Variants in SHTN1 observed in about 807,000 individuals in gnomAD.
SHTN1 encodes shootin-1.
SHTN1 carries 42 observed loss-of-function variants against 83.1 expected under a neutral mutation model. The ratio of observed to expected loss-of-function variants is 0.51; its 90% confidence interval spans 0.39 to 0.65. SHTN1 has a LOEUF of 0.65. Ranked by LOEUF, SHTN1 falls within the 30% of genes least tolerant of loss-of-function variation. The pLI, the probability that SHTN1 is intolerant of heterozygous loss-of-function variation, is 0.00. For synonymous variants in SHTN1, 224 were observed against 247.7 expected (o/e 0.90, Z 0.90); for missense variants, 622 against 737.8 (o/e 0.84, Z 1.82).
chr10:117,067,466 G>C (rs1853018950), intron 1 of SHTN1, among the ~76,000 whole-genome samples: 1 of 152,164 alleles, frequency 6.6e-6, no homozygotes, highest in Non-Finnish European at 1.5e-5. Context: ...GTGGTGGCAG[G>C]TGCCTGTAGT....
At chr10:117,062,287 AT>A (rs1829153049) in intron 1 of SHTN1, among the ~76,000 whole-genome samples, 1 of 152,206 alleles carries the variant, frequency 6.6e-6, no homozygotes, top group African/African-American at 2.4e-5. Flanking sequence ...AGTGAAAAAC[AT>A]TTTTTGACCA....
chr10:116,944,767 T>C lies in SHTN1; in HGVS notation c.711+157A>G, dbSNP rs770227937. On this transcript the variant is annotated intron_variant, in intron 8 of 16. Transcript: ENST00000355371. ...TTAGCTGGGCACGGTGGCGTGTGCC[T>C]GTAATCCCAGCTACTCGGGGGGCTG... Among the ~76,000 whole-genome samples, 248 of 152,106 alleles carry C rather than the reference T, an allele frequency of 1.6e-3. 1 individual carries two copies. The highest frequency in any genetic ancestry group is 1.4e-3 in the Non-Finnish European group (93 of 68,020).
intron 1 of SHTN1, among the ~76,000 whole-genome samples, chr10:117,112,215 C>T (rs1240169139): frequency 2.0e-5 from 3 of 152,138 alleles, no homozygotes; most frequent in African/African-American, 7.2e-5. Flanking sequence ...ATCCGCCCGC[C>T]TCGGCCTCCC....
At chr10:117,013,760 C>T (rs756466102) in intron 2 of SHTN1, among the ~76,000 whole-genome samples, 61 of 152,162 alleles carry the variant, frequency 4.0e-4, no homozygotes, top group Non-Finnish European at 8.1e-4. Flanking sequence ...GTTCCACTCC[C>T]GGGGCTTACC....
chr10:116,940,365 T>G, intron 9 of SHTN1, 101 bp downstream of exon 9: 1 of 1,209,330 alleles, frequency 8.3e-7, no homozygotes, highest in Non-Finnish European at 1.1e-6. Context: ...TATGAAACAG[T>G]AAATGACTGG....
chr10:117,085,990 G>A (rs1326618702), intron 1 of SHTN1, among the ~76,000 whole-genome samples: 4 of 140,092 alleles, frequency 2.9e-5, no homozygotes, highest in South Asian at 4.4e-4. Flanking sequence ...GCGTGATCTC[G>A]GCTCACTTCA....
At chr10:117,003,818 G>A (rs1254226520) in intron 1 of SHTN1, among the ~76,000 whole-genome samples, 2 of 152,174 alleles carry the variant, frequency 1.3e-5, no homozygotes, top group African/African-American at 2.4e-5. Flanking sequence ...AAGACATTCA[G>A]AAAAGTACAT....
At chr10:117,005,332 A>G (rs2133549524), upstream of SHTN1, 3 of 1,315,892 alleles carry the variant, frequency 2.3e-6, no homozygotes, top group African/African-American at 1.5e-5. Context: ...GGGGTGGAGG[A>G]ACGAGGGCGG....
intron 1 of SHTN1, among the ~76,000 whole-genome samples, chr10:117,100,290 G>C (rs1197563341): frequency 1.3e-5 from 2 of 152,164 alleles, no homozygotes; most frequent in Non-Finnish European, 2.9e-5. Context: ...AGTTTTATTA[G>C]AAACTCATCA....
intron 16 of SHTN1, among the ~76,000 whole-genome samples, chr10:116,895,526 G>C (rs1847487446): frequency 6.6e-6 from 1 of 152,104 alleles, no homozygotes; most frequent in Non-Finnish European, 1.5e-5. Context: ...TCTTTAAATT[G>C]CTTAGGTTAG....
At chr10:117,037,641 C>T (rs1428052973) in intron 2 of SHTN1, among the ~76,000 whole-genome samples, 1 of 152,140 alleles carries the variant, frequency 6.6e-6, no homozygotes, top group African/African-American at 2.4e-5. Context: ...TGACACTACC[C>T]AGCTTTAAAA....
At chr10:117,010,582 G>C (rs1473662507) in intron 2 of SHTN1, among the ~76,000 whole-genome samples, 1 of 152,034 alleles carries the variant, frequency 6.6e-6, no homozygotes. Context: ...CATTCTATGA[G>C]GCCAGCATTT....
chr10:116,941,672 T>C (rs374599629), intron 8 of SHTN1, among the ~76,000 whole-genome samples: 9 of 152,350 alleles, frequency 5.9e-5, no homozygotes, highest in East Asian at 5.8e-4. Flanking sequence ...TCACCCATCA[T>C]GTAACAGAAA....
intron 1 of SHTN1, among the ~76,000 whole-genome samples, chr10:117,072,333 C>G (rs1252703814): frequency 1.3e-5 from 2 of 152,190 alleles, no homozygotes; most frequent in Non-Finnish European, 2.9e-5. Flanking sequence ...TAGATTGCAG[C>G]TCCAGCTCAG....
chr10:117,009,720 C>T (rs1035829217), upstream of SHTN1, among the ~76,000 whole-genome samples: 1 of 151,916 alleles, frequency 6.6e-6, no homozygotes, highest in Non-Finnish European at 1.5e-5. Context: ...CTGGCTAACA[C>T]TGTGAAACCC....
chr10:117,085,004 G>A (rs1032618936), intron 1 of SHTN1, among the ~76,000 whole-genome samples: 11 of 152,046 alleles, frequency 7.2e-5, no homozygotes, highest in Non-Finnish European at 1.2e-4. Flanking sequence ...CTTCTGGGTC[G>A]CTCAGGCTGG....
At chr10:117,108,765 C>T (rs1024478362) in intron 1 of SHTN1, among the ~76,000 whole-genome samples, 2 of 151,910 alleles carry the variant, frequency 1.3e-5, no homozygotes, top group African/African-American at 4.8e-5. Context: ...ATACATACAA[C>T]TTATGAAATT....
intron 2 of SHTN1, among the ~76,000 whole-genome samples, chr10:117,029,634 G>C (rs1385706857): frequency 6.6e-6 from 1 of 152,100 alleles, no homozygotes; most frequent in African/African-American, 2.4e-5. Flanking sequence ...AGGATAGTGA[G>C]TGCTCGTGAG....
chr10:117,112,190 T>C (rs1853777878), intron 1 of SHTN1, among the ~76,000 whole-genome samples: 1 of 152,128 alleles, frequency 6.6e-6, no homozygotes, highest in South Asian at 2.1e-4. Context: ...GGTGTCGAAT[T>C]CCTGGGCTCA....
Sources: allele counts gnomAD v4.1 joint callset (sites outside exome capture counted in the v4.1 genomes callset), GRCh38; gene constraint gnomAD v4.1.1; transcripts MANE v1.5; gene names NCBI Gene and HGNC (gene_info 2026-07-23, HGNC 2026-07-21).